The following LIG3 variants were observed in gnomAD, a reference collection of about 807,000 sequenced individuals.
LIG3 encodes the protein ligase II, DNA, ATP-dependent.
In LIG3, 58 loss-of-function variants were observed where a neutral mutation model predicts 110.9. That is an observed-to-expected ratio of 0.52 (90% CI 0.42 to 0.65). The LOEUF (loss-of-function observed/expected upper bound fraction) is 0.65. Among genes scored for constraint, LIG3 ranks in the 30% least tolerant of loss-of-function variants. The probability of loss-of-function intolerance (pLI) is 0.00; values close to 1 mark genes in which losing one functional copy is unlikely to be tolerated. For synonymous variants in LIG3, 422 were observed against 472.8 expected (o/e 0.89, Z 1.39); for missense variants, 1,094 against 1,273.8 (o/e 0.86, Z 2.15).
Position 35,004,410 on chromosome 17 carries a change from G to A in LIG3, c.2934G>A (p.Val978=), listed in dbSNP as rs762262058. The change falls in exon 20 of 20, where the codon GTG becomes GTA. Residue 978 remains valine (V), a synonymous_variant. Coordinates refer to ENST00000378526, the MANE Select transcript of LIG3 (RefSeq NM_013975.4). The part of the protein sequence containing the change: ...QEFDMTSATH[V]LGSRDKNPAA... ...TTGATATGACTTCAGCCACGCACGTGCTGGGTAGCAGGGACAAGAACCCTG... is the reference window on the plus strand; with the variant it reads ...TTGATATGACTTCAGCCACGCACGTACTGGGTAGCAGGGACAAGAACCCTG... 1 of 1,614,212 alleles carries A rather than the reference G, an allele frequency of 6.2e-7. No homozygotes were observed. The highest frequency in any genetic ancestry group is 1.1e-5 in the South Asian group (1 of 91,088).
rs1002838490 is a variant in LIG3 at position 35,007,325 on chromosome 17, C to A, written c.*2819C>A. 3.3e-5 allele frequency: 5 copies of A among 152,258 alleles called. No individual in the cohort carries two copies. Among genetic ancestry groups the A allele is most frequent in the African/African-American group, 7.2e-5 (3 of 41,458 alleles). 9.4% of individuals were successfully genotyped at this position (152,258 alleles called of 1,614,324 possible). On this transcript the variant is annotated 3_prime_UTR_variant, in exon 20 of 20. Transcript: ENST00000378526. ...TTTATGTATTTTCTTCCAGTCTTTG[C>A]TGCTGAGATCTGACTGTATATACTA...
In LIG3 at chr17:34,993,878, C is replaced by A. The variant is rs375293144; in HGVS notation, c.1456-398C>A. On this transcript the variant is annotated intron_variant, in intron 8 of 19. Transcript: ENST00000378526. ...ACTCACCCTGCCAGCCTCACTGTCA[C>A]CTGCACTCTTTAACCTTAGCTTCAC... 3.9e-5 allele frequency among the ~76,000 whole-genome samples: 6 copies of A among 152,278 alleles called. No homozygotes were observed. The East Asian group carries it at 1.2e-3, about 29-fold the overall frequency.
At chr17:34,986,184 T>G in intron 3 of LIG3, 53 bp downstream of exon 3, 1 of 1,565,626 alleles carries the variant, frequency 6.4e-7, no homozygotes. Flanking sequence ...TTATTTTGTA[T>G]TCTACCTAGG....
At chr17:34,996,243 T>C in intron 10 of LIG3, 48 bp downstream of exon 10, 1 of 1,598,960 alleles carries the variant, frequency 6.3e-7, no homozygotes, top group Non-Finnish European at 8.5e-7. Context: ...TGTGAGTGAG[T>C]ATGTACATGT....
Position 34,991,632 on chromosome 17 carries a change from C to T in LIG3, c.1042-39C>T, listed in dbSNP as rs904504065. On this transcript the variant is annotated intron_variant, in intron 5 of 19. Transcript: ENST00000378526. ...GTCTTGGGGGATACACTTGGCCACC[C>T]TAGGGTTGCAGCAGTGGCATTTTGG... 7.5e-6 allele frequency: 12 copies of T among 1,607,164 alleles called. No individual in the cohort carries two copies. The South Asian group carries it at 1.2e-4, about 16-fold the overall frequency.
At chr17:34,988,699 T>C (rs2090685430) in intron 3 of LIG3, among the ~76,000 whole-genome samples, 1 of 152,024 alleles carries the variant, frequency 6.6e-6, no homozygotes, top group African/African-American at 2.4e-5. Context: ...ATTTTGACAA[T>C]AAGAAAAGAA....
In LIG3 at chr17:34,994,329, G is replaced by A. The variant is rs532596955; in HGVS notation, c.1509G>A (p.Met503Ile). 23 of 1,614,144 alleles carry A rather than the reference G, an allele frequency of 1.4e-5. No individual in the cohort carries two copies. In the East Asian group the frequency reaches 4.2e-4, roughly 30 times the overall value. Residue 503 changes from methionine to isoleucine, a missense_variant, in exon 9 of 20, where the codon ATG becomes ATA. Transcript: ENST00000378526. ...CAATGAAGAAATGTCCCAATGGCAT[G>A]TTCTCTGAGATCAAGTACGATGGAG... ...EYAMKKCPNGMFSEIKYDGER... is the reference protein window; with the variant it reads ...EYAMKKCPNGIFSEIKYDGER...
intron 1 of LIG3, among the ~76,000 whole-genome samples, chr17:34,981,971 TC>T (rs1275414702): frequency 6.6e-6 from 1 of 152,220 alleles, no homozygotes; most frequent in Non-Finnish European, 1.5e-5. Context: ...ATCGGAAGCC[TC>T]TTCTTGAAAG....
chr17:35,001,121 G>T, intron 16 of LIG3, 136 bp from the exon 17 acceptor site: 1 of 844,622 alleles, frequency 1.2e-6, no homozygotes, highest in Non-Finnish European at 1.9e-6. Flanking sequence ...GGCCAGGCTG[G>T]TCTCAAACTC....
rs1214918002 is a variant in LIG3 at position 35,004,376 on chromosome 17, T to C, written c.2900T>C (p.Val967Ala). Residue 967 changes from valine (V) to alanine (A), a missense_variant, in exon 20 of 20, where the codon GTA (valine) becomes GCA (alanine). Coordinates refer to ENST00000378526, the MANE Select transcript of LIG3 (RefSeq NM_013975.4). ...RYFVAFDGDL[V>A]QEFDMTSATH... ...TTTGTGGCATTCGACGGGGACCTGG[T>C]ACAGGAATTTGATATGACTTCAGCC... 1.2e-6 allele frequency: 2 copies of C among 1,614,136 alleles called. No homozygotes were observed. Among genetic ancestry groups the C allele is most frequent in the South Asian group, 1.1e-5 (1 of 91,080 alleles).
At chr17:34,996,429 GC>G in intron 10 of LIG3, 144 bp from the exon 11 acceptor site, 1 of 798,874 alleles carries the variant, frequency 1.3e-6, no homozygotes, top group African/African-American at 1.7e-5. Context: ...TCTGCTCAGT[GC>G]CCTTATGGCC....
Position 34,983,386 on chromosome 17 carries a change from C to T in LIG3, c.381C>T (p.Phe127=), listed in dbSNP as rs2090624511. Residue 127 remains phenylalanine, a synonymous_variant, in exon 2 of 20, where the codon TTC becomes TTT. Transcript: ENST00000378526. ...TTGGCAAAGTGGTGCCCAATCCCTT[C>T]TCAGAGTCTGGGGGTGATATGAAAG... ...CRIGKVVPNP[F]SESGGDMKEW... 3 of 1,614,082 alleles carry T rather than the reference C, an allele frequency of 1.9e-6. No homozygotes were observed. The highest frequency in any genetic ancestry group is 2.2e-5 in the East Asian group (1 of 44,900).
At chr17:34,990,903 G>T in intron 4 of LIG3, 60 bp from the exon 5 acceptor site, 6 of 1,552,662 alleles carry the variant, frequency 3.9e-6, no homozygotes, top group Non-Finnish European at 5.3e-6. Context: ...AGCCTTCTTT[G>T]AGTTTATATA....
intron 1 of LIG3, among the ~76,000 whole-genome samples, chr17:34,982,542 G>C (rs2090607694): frequency 6.6e-6 from 1 of 151,986 alleles, no homozygotes; most frequent in East Asian, 1.9e-4. Context: ...AGCTACTAGG[G>C]AGGCTGAGGC....
rs3136006 is a variant in LIG3 at position 34,997,506 on chromosome 17, C to A, written c.1824-232C>A. On this transcript the variant is annotated intron_variant, in intron 11 of 19. Coordinates refer to ENST00000378526, the MANE Select transcript of LIG3 (RefSeq NM_013975.4). ...CCTTGGCTCGCTTGATGAAGTAGAA[C>A]TAGGAACTACAACTATGAACTGGCT... 4,896 of 504,838 alleles carry A rather than the reference C, an allele frequency of 9.7e-3. 198 individuals carry two copies. The highest frequency in any genetic ancestry group is 0.078 in the African/African-American group (4,093 of 52,222). 31.3% of individuals were successfully genotyped at this position (504,838 alleles called of 1,614,324 possible).
At chr17:34,997,915 T>A in intron 12 of LIG3, 90 bp downstream of exon 12, 9 of 961,466 alleles carry the variant, frequency 9.4e-6, no homozygotes, top group Non-Finnish European at 1.5e-5. Flanking sequence ...GAAGAATAAA[T>A]CTTAATGTCT....
intron 7 of LIG3, 68 bp downstream of exon 7, chr17:34,992,103 AG>A: frequency 7.4e-7 from 1 of 1,350,354 alleles, no homozygotes; most frequent in Non-Finnish European, 1.1e-6. Context: ...AACTGGTGTC[AG>A]GACTTTTGAG....
chr17:35,010,330 A>G (rs1390095476), downstream of LIG3: 1 of 152,180 alleles, frequency 6.6e-6, no homozygotes, highest in Non-Finnish European at 1.5e-5. Context: ...TTTCCTGATC[A>G]TGTGTTTTGT....
At chr17:34,989,872 T>C in intron 4 of LIG3, 2 of 564,720 alleles carry the variant, frequency 3.5e-6, no homozygotes, top group Non-Finnish European at 3.2e-6. Context: ...GTAGCCAGTT[T>C]TTCTCAGAGC....
Sources: gnomAD v4.1 joint callset for allele counts (sites outside exome capture counted in the v4.1 genomes callset) on GRCh38, gnomAD v4.1.1 for gene constraint, MANE v1.5 for transcripts, NCBI Gene and HGNC (gene_info 2026-07-23, HGNC 2026-07-21) for gene names.